Variants in BCL9 observed in about 807,000 individuals in gnomAD.
The protein encoded by BCL9 is BCL9 transcription coactivator.
In BCL9, 25 loss-of-function variants were observed where a neutral mutation model predicts 88.5. The observed-to-expected ratio is 0.28, with a 90% CI of 0.21 to 0.39. The LOEUF is 0.39. BCL9 is among the 10% of genes least tolerant of loss of function. The probability of loss-of-function intolerance (pLI) is 1.00; values close to 1 mark genes in which losing one functional copy is unlikely to be tolerated. For synonymous variants in BCL9, 711 were observed against 673.3 expected, an observed-to-expected ratio of 1.06 and a Z score of -0.87; for missense variants, 1,817 against 1,877.8, an observed-to-expected ratio of 0.97 and a Z score of 0.60.
intron 6 of BCL9, among the ~76,000 whole-genome samples, chr1:147,615,082 C>G (rs2101613424): frequency 6.6e-6 from 1 of 152,254 alleles, no homozygotes; most frequent in East Asian, 1.9e-4. Context: ...CTCAGGTGAT[C>G]TGCCTGCCTC....
intron 1 of BCL9, among the ~76,000 whole-genome samples, chr1:147,604,078 A>G (rs1418096613): frequency 6.6e-6 from 1 of 152,230 alleles, no homozygotes; most frequent in African/African-American, 2.4e-5. Flanking sequence ...ACTATGTGAC[A>G]TGAAAATGTC....
At position 147,619,152 on chromosome 1, in the gene BCL9, C is replaced by T; in HGVS notation, c.997C>T (p.Pro333Ser). Residue 333 changes from proline to serine, a missense_variant, in exon 8 of 10, where the codon CCT (proline) becomes TCT (serine). Pro to Ser is a moderately conservative substitution (Grantham distance 74, BLOSUM62 -1). Coordinates refer to ENST00000234739, the MANE Select transcript of BCL9 (RefSeq NM_004326.4). The surrounding 1 kb of genome is among the most constrained non-coding windows in gnomAD (Gnocchi z 4.1). Reference protein sequence around the residue: ...SSSADPKAPPPPPVSSGEPPT... With the variant: ...SSSADPKAPPSPPVSSGEPPT... ...TTCAGCAGATCCCAAAGCCCCTCCGCCTCCACCAGTGTCCAGTGGCGAGCC... is the reference window on the plus strand; with the variant it reads ...TTCAGCAGATCCCAAAGCCCCTCCGTCTCCACCAGTGTCCAGTGGCGAGCC... 1 of 1,613,272 alleles carries T rather than the reference C, an allele frequency of 6.2e-7. No homozygotes were observed. Among genetic ancestry groups the T allele is most frequent in the Non-Finnish European group, 8.5e-7 (1 of 1,179,524 alleles).
intron 1 of BCL9, among the ~76,000 whole-genome samples, chr1:147,601,645 A>C (rs1307215343): frequency 6.6e-6 from 1 of 152,226 alleles, no homozygotes; most frequent in African/African-American, 2.4e-5. Flanking sequence ...TGTGTTTTCT[A>C]CTGAATACTA....
intron 1 of BCL9, among the ~76,000 whole-genome samples, chr1:147,589,040 A>G (rs1194155543): frequency 6.6e-6 from 1 of 152,172 alleles, no homozygotes; most frequent in Admixed American, 6.5e-5. Context: ...GAATTTTAAT[A>G]TTAGCTGGAC....
chr1:147,552,826 A>C (rs1553194970), intron 1 of BCL9, among the ~76,000 whole-genome samples: 3 of 152,176 alleles, frequency 2.0e-5, no homozygotes, highest in Admixed American at 2.0e-4. Context: ...GTTGAACAGC[A>C]ATCTAACAAG....
chr1:147,561,843 T>A (rs1298831315), intron 1 of BCL9, among the ~76,000 whole-genome samples: 6 of 152,186 alleles, frequency 3.9e-5, no homozygotes, highest in Non-Finnish European at 1.5e-5. Context: ...GTCATGGAGA[T>A]GGTATCATTT....
Position 147,548,531 on chromosome 1 carries a change from TA to T in BCL9, c.-478+6858del, listed in dbSNP as rs1471154059. On this transcript the variant is annotated intron_variant, in intron 1 of 9. Coordinates refer to ENST00000234739, the MANE Select transcript of BCL9 (RefSeq NM_004326.4). ...CCACCTCCTAGACTGGGTATGCACT[TA>T]TGTGGCTCTTATCATACTGCACTAG... Among the ~76,000 whole-genome samples, 4 of 152,210 alleles carry T rather than the reference TA, an allele frequency of 2.6e-5. No homozygotes were observed. The East Asian group carries it at 5.8e-4, about 22-fold the overall frequency.
chr1:147,612,798 C>A, intron 4 of BCL9, 85 bp from the exon 5 acceptor site: 1 of 1,373,796 alleles, frequency 7.3e-7, no homozygotes. Context: ...GTCTCCTTGA[C>A]CCCCAATAGA....
chr1:147,608,827 T>C lies in BCL9; in HGVS notation c.-260+1961T>C, dbSNP rs192806480. 1.2e-3 allele frequency among the ~76,000 whole-genome samples: 184 copies of C among 152,352 alleles called. 5 individuals carry two copies. In the South Asian group the frequency reaches 0.012, roughly 10 times the overall value. ...TAGCTCACCTTGCCCACCAAGGCTC[T>C]ACTTTAACAGGCACTACAGTGATGA... On this transcript the variant is annotated intron_variant, in intron 3 of 9. Coordinates refer to ENST00000234739, the MANE Select transcript of BCL9 (RefSeq NM_004326.4).
intron 1 of BCL9, among the ~76,000 whole-genome samples, chr1:147,592,447 C>T (rs1656885442): frequency 6.6e-6 from 1 of 152,128 alleles, no homozygotes; most frequent in Non-Finnish European, 1.5e-5. Context: ...CCTCAATATT[C>T]CCTCAGTGCA....
At chr1:147,593,951 A>G (rs1180746686) in intron 1 of BCL9, among the ~76,000 whole-genome samples, 1 of 152,212 alleles carries the variant, frequency 6.6e-6, no homozygotes, top group Non-Finnish European at 1.5e-5. Context: ...AAAAGAAAAC[A>G]TTGTTTTTGA....
rs375435367 is a variant in BCL9 at position 147,606,957 on chromosome 1, T to G, written c.-260+91T>G. 2.0e-5 allele frequency: 3 copies of G among 152,432 alleles called. No homozygotes were observed. The South Asian group carries it at 6.2e-4, about 32-fold the overall frequency. 9.4% of individuals were successfully genotyped at this position (152,432 alleles called of 1,614,324 possible). The stretch of plus-strand genomic sequence containing the variant: ...AAGCTTCAGCTTTTATTTAACGATT[T>G]TTTTTTCTTTACATCACCCAACCCT... On this transcript the variant is annotated intron_variant, in intron 3 of 9. Coordinates refer to ENST00000234739, the MANE Select transcript of BCL9 (RefSeq NM_004326.4).
At chr1:147,594,194 A>G (rs1411253765) in intron 1 of BCL9, among the ~76,000 whole-genome samples, 6 of 152,218 alleles carry the variant, frequency 3.9e-5, no homozygotes, top group Non-Finnish European at 7.3e-5. Flanking sequence ...AGAAAGATCT[A>G]TCTGGCAAGA....
At position 147,619,185 on chromosome 1, in the gene BCL9, C is replaced by G. The variant is rs782090905; in HGVS notation, c.1030C>G (p.Leu344Val). 1.4e-5 allele frequency: 22 copies of G among 1,613,638 alleles called. No individual in the cohort carries two copies. The South Asian group carries it at 1.5e-4, about 11-fold the overall frequency. ...PPVSSGEPPT[L>V]GENPDGLSQE... ...AGTGTCCAGTGGCGAGCCCCCCACA[C>G]TGGGAGAGAATCCCGATGGCCTATC... Residue 344 changes from leucine (L) to valine (V), a missense_variant, in exon 8 of 10, where the codon CTG (leucine) becomes GTG (valine). Around this residue, in one of 2 missense-constraint regions of BCL9, gnomAD observed 1,228 missense variants for 1,191.6 expected, o/e 1.03. Transcript: ENST00000234739. This position sits in a 1 kb window ranked among gnomAD's most constrained non-coding sequence, Gnocchi z 4.1.
chr1:147,578,855 G>T (rs1357479042), intron 1 of BCL9, among the ~76,000 whole-genome samples: 1 of 107,772 alleles, frequency 9.3e-6, no homozygotes. Context: ...CAGGAAATTT[G>T]GTTTTCTTTC....
chr1:147,573,711 G>C (rs1655983668), intron 1 of BCL9, among the ~76,000 whole-genome samples: 1 of 152,192 alleles, frequency 6.6e-6, no homozygotes, highest in Non-Finnish European at 1.5e-5. Context: ...GGTTAGGTCA[G>C]AAAATTCATG....
intron 3 of BCL9, among the ~76,000 whole-genome samples, chr1:147,610,176 CA>C (rs782360371): frequency 6.8e-6 from 1 of 147,626 alleles, no homozygotes; most frequent in East Asian, 2.0e-4. Context: ...TAGTCTAAAC[CA>C]AAAAAAAAAA....
At chr1:147,605,581 G>A (rs143418796) in intron 2 of BCL9, among the ~76,000 whole-genome samples, 180 of 152,276 alleles carry the variant, frequency 1.2e-3, no homozygotes, top group Middle Eastern at 6.8e-3. Flanking sequence ...AGGTGACAGA[G>A]GTATTTTTAC....
Position 147,611,688 on chromosome 1 carries a change from GA to G in BCL9, c.-144del. The G allele has an allele frequency of 1.3e-5, 9 of 679,412 alleles. No homozygotes were observed. Among genetic ancestry groups the G allele is most frequent in the East Asian group, 2.7e-5 (1 of 37,588 alleles). The allele number at this position is 679,412 out of a possible 1,614,324, so 42.1% of individuals were successfully genotyped here. A position where few individuals can be genotyped will look rare whatever the true frequency, so the allele number is the denominator to read the frequency against. ...TTCCACAGCAGAGAAAAACAAAGAG[GA>G]AAAAGGCATACAGGCAGCGAGCGCT... On this transcript the variant is annotated 5_prime_UTR_variant, in exon 4 of 10. An upstream open reading frame in the 5' UTR loses its in-frame stop. Coordinates refer to ENST00000234739, the MANE Select transcript of BCL9 (RefSeq NM_004326.4).
Sources: allele counts gnomAD v4.1 joint callset (sites outside exome capture counted in the v4.1 genomes callset), GRCh38; gene constraint gnomAD v4.1.1; regional missense constraint gnomAD v4.1.1; non-coding constraint Gnocchi (gnomAD v3.1); transcripts MANE v1.5; gene names NCBI Gene and HGNC (gene_info 2026-07-23, HGNC 2026-07-21).